The following EPYC variants were observed in gnomAD, a reference collection of about 807,000 sequenced individuals.
EPYC encodes the protein dermatan sulfate proteoglycan 3.
In EPYC, 28 loss-of-function variants were observed where a neutral mutation model predicts 30.1. The ratio of observed to expected loss-of-function variants is 0.93; its 90% CI spans 0.69 to 1.28. The LOEUF (loss-of-function observed/expected upper bound fraction) is 1.28. Ranked by LOEUF, EPYC falls within the 50% of genes most tolerant of loss-of-function variation. The pLI is 0.00. For synonymous variants in EPYC, 144 were observed against 141.4 expected (o/e 1.02, Z -0.13); for missense variants, 382 against 383.5 (o/e 1.00, Z 0.03).
chr12:91,002,189 C>CAAAAAAAAAAA (rs34987645), intron 2 of EPYC, among the ~76,000 whole-genome samples: 5 of 73,464 alleles, frequency 6.8e-5, no homozygotes, highest in Admixed American at 1.9e-4. Context: ...GACACTGTCT[C>CAAAAAAAAAAA]AAAAAAAAAA....
At chr12:90,981,572 A>G (rs550570745) in intron 2 of EPYC, among the ~76,000 whole-genome samples, 60 of 152,270 alleles carry the variant, frequency 3.9e-4, no homozygotes, top group African/African-American at 1.4e-3. Flanking sequence ...AATTTTGATG[A>G]AATTCATTTG....
rs541003596 is a variant in EPYC, at chr12:90,986,538, C to T, written c.166-8276G>A. On this transcript the variant is annotated intron_variant, in intron 2 of 6. Coordinates refer to ENST00000261172, the MANE Select transcript of EPYC (RefSeq NM_004950.5). ...AATGGTAGGAAGCAGGATAGTTGTC[C>T]AGAAACATTGCAAACTTTCATTTGT... Among the ~76,000 whole-genome samples, 7 of 152,224 alleles carry T rather than the reference C, an allele frequency of 4.6e-5. No individual in the cohort carries two copies. The South Asian group carries it at 1.4e-3, about 32-fold the overall frequency.
intron 6 of EPYC, among the ~76,000 whole-genome samples, 190 bp downstream of exon 6, chr12:90,969,854 T>G (rs948633328): frequency 2.0e-5 from 3 of 152,202 alleles, no homozygotes; most frequent in Non-Finnish European, 4.4e-5. Flanking sequence ...TTAGAATAGA[T>G]AGAGCTATGA....
intron 3 of EPYC, among the ~76,000 whole-genome samples, chr12:90,973,680 G>A (rs1279516746): frequency 6.6e-6 from 1 of 152,156 alleles, no homozygotes; most frequent in Admixed American, 6.5e-5. Flanking sequence ...ATGCCAGGCA[G>A]AGGAAGCAGC....
At chr12:90,972,361 A>G (rs1877074218) in intron 4 of EPYC, among the ~76,000 whole-genome samples, 1 of 152,222 alleles carries the variant, frequency 6.6e-6, no homozygotes, top group South Asian at 2.1e-4. Flanking sequence ...CAAATGATTA[A>G]AACACTTTAT....
intron 2 of EPYC, among the ~76,000 whole-genome samples, 184 bp downstream of exon 2, chr12:91,002,217 A>G (rs1877846982): frequency 6.8e-6 from 1 of 147,542 alleles, no homozygotes; most frequent in South Asian, 2.2e-4. Flanking sequence ...AAAAAGGGCA[A>G]AAGACTGTTC....
intron 2 of EPYC, among the ~76,000 whole-genome samples, chr12:90,989,037 C>G (rs1877519027): frequency 6.6e-6 from 1 of 152,004 alleles, no homozygotes; most frequent in Non-Finnish European, 1.5e-5. Context: ...AAGTTTCATT[C>G]TGACACAATA....
At chr12:90,969,919 G>T in intron 6 of EPYC, 125 bp downstream of exon 6, 1 of 700,694 alleles carries the variant, frequency 1.4e-6, no homozygotes, top group Non-Finnish European at 2.6e-6. Flanking sequence ...TGAGAAAAGA[G>T]AAAAAGAAGA....
chr12:91,001,250 A>T (rs1425943028), intron 2 of EPYC, among the ~76,000 whole-genome samples: 1 of 152,118 alleles, frequency 6.6e-6, no homozygotes, highest in African/African-American at 2.4e-5. Context: ...AAATTTTAGT[A>T]TCTTCTTAGT....
In EPYC at chr12:90,972,927, C is replaced by A; in HGVS notation, c.394G>T (p.Asp132Tyr). Residue 132 changes from aspartate (D) to tyrosine (Y), a missense_variant, in exon 4 of 7, where the codon GAC (aspartate) becomes TAC (tyrosine). Physicochemically the swap from Asp to Tyr is radical, Grantham distance 160. Transcript: ENST00000261172. ...TCISTTVYCD[D>Y]HELDAIPPLP... ...GGAGGAATAGCATCAAGTTCATGGT[C>A]ATCACAGTACACGGTGGTACTTATA... 6.2e-7 allele frequency: 1 copy of A among 1,612,432 alleles called. No individual in the cohort carries two copies. Among genetic ancestry groups the A allele is most frequent in the South Asian group, 1.1e-5 (1 of 91,020 alleles).
In EPYC at chr12:91,002,594, TA is replaced by T. The variant is rs768633650; in HGVS notation, c.-13-17del. 16 of 1,538,496 alleles carry T rather than the reference TA, an allele frequency of 1.0e-5. No homozygotes were observed. The highest frequency in any genetic ancestry group is 1.3e-5 in the Non-Finnish European group (15 of 1,131,516). ...TCAAGCTTTCCTAATTATAAAATAT[TA>T]AAATGCATAAATATTTAATTGATAA... On this transcript the variant is annotated splice_polypyrimidine_tract_variant and intron_variant, in intron 1 of 6. Coordinates refer to ENST00000261172, the MANE Select transcript of EPYC (RefSeq NM_004950.5).
At chr12:90,968,918 C>A (rs1876965607) in intron 6 of EPYC, among the ~76,000 whole-genome samples, 1 of 151,368 alleles carries the variant, frequency 6.6e-6, no homozygotes, top group South Asian at 2.1e-4. Context: ...AACCAAATGG[C>A]TAGAAAATAC....
At chr12:90,977,675 T>C (rs1877218487) in intron 3 of EPYC, among the ~76,000 whole-genome samples, 1 of 152,136 alleles carries the variant, frequency 6.6e-6, no homozygotes, top group Admixed American at 6.6e-5. Flanking sequence ...AGGCCACAGA[T>C]AGTATATGCT....
At chr12:90,967,701 G>A (rs972883035) in intron 6 of EPYC, among the ~76,000 whole-genome samples, 9 of 152,148 alleles carry the variant, frequency 5.9e-5, no homozygotes, top group Non-Finnish European at 1.3e-4. Flanking sequence ...GGCCAGGTGC[G>A]GTGGCTCATG....
At chr12:90,987,940 A>C (rs1161797701) in intron 2 of EPYC, among the ~76,000 whole-genome samples, 1 of 152,138 alleles carries the variant, frequency 6.6e-6, no homozygotes, top group Non-Finnish European at 1.5e-5. Flanking sequence ...ATTTTGACTG[A>C]AAACCCCAAT....
chr12:91,001,410 C>A lies in EPYC; in HGVS notation c.165+991G>T, dbSNP rs141086665. Among the ~76,000 whole-genome samples the A allele has an allele frequency of 3.7e-4, 56 of 152,108 alleles. No individual in the cohort carries two copies. In the East Asian group the frequency reaches 0.011, roughly 29 times the overall value. On this transcript the variant is annotated intron_variant, in intron 2 of 6. Transcript: ENST00000261172. Reference sequence around the variant, plus strand: ...TGATCCTTTAAAGGTGATGTAATTTCTCTTTTTGTTTATTTATAGTTAATT... The same window carrying A: ...TGATCCTTTAAAGGTGATGTAATTTATCTTTTTGTTTATTTATAGTTAATT...
intron 1 of EPYC, among the ~76,000 whole-genome samples, chr12:91,004,401 G>A (rs1392053964): frequency 1.3e-5 from 2 of 151,942 alleles, no homozygotes; most frequent in Admixed American, 1.3e-4. Context: ...CTTTCTTCAA[G>A]TAATTGTATT....
intron 2 of EPYC, 105 bp from the exon 3 acceptor site, chr12:90,978,367 ACT>A: frequency 1.8e-6 from 2 of 1,105,362 alleles, no homozygotes; most frequent in Non-Finnish European, 2.5e-6. Context: ...ACAAGAGGAC[ACT>A]CATGTTCTAA....
intron 2 of EPYC, among the ~76,000 whole-genome samples, chr12:90,997,810 C>A (rs1877729357): frequency 1.3e-5 from 2 of 151,990 alleles, no homozygotes; most frequent in Admixed American, 6.6e-5. Flanking sequence ...ATAAAGGTTA[C>A]CTCTAGTTCA....
Sources: gnomAD v4.1 joint callset for allele counts (sites outside exome capture counted in the v4.1 genomes callset) on GRCh38, gnomAD v4.1.1 for gene constraint, MANE v1.5 for transcripts, NCBI Gene and HGNC (gene_info 2026-07-23, HGNC 2026-07-21) for gene names.